MRPL19: variants seen among roughly 807,000 people sequenced by gnomAD.
MRPL19 encodes the protein large ribosomal subunit protein bL19m.
In MRPL19, 31 loss-of-function variants were observed where a neutral mutation model predicts 34.0. The ratio of observed to expected loss-of-function variants is 0.91; its 90% CI spans 0.68 to 1.23. The LOEUF is 1.23. Among genes scored for constraint, MRPL19 ranks in the 50% most tolerant of loss-of-function variants. The probability of loss-of-function intolerance (pLI) is 0.00; values close to 1 mark genes in which losing one functional copy is unlikely to be tolerated. For missense variants in MRPL19, 384 were observed against 367.6 expected, an observed-to-expected ratio of 1.04 and a Z score of -0.37; for synonymous variants, 152 against 127.7, an observed-to-expected ratio of 1.19 and a Z score of -1.28.
chr2:75,651,339 G>A (rs1193644279), intron 2 of MRPL19: 5 of 529,304 alleles, frequency 9.4e-6, no homozygotes, highest in Non-Finnish European at 1.5e-5. Context: ...GCTCCTACAC[G>A]ATTCCTTGGG....
intron 2 of MRPL19, among the ~76,000 whole-genome samples, chr2:75,650,868 C>T (rs1382828048): frequency 6.6e-6 from 1 of 152,066 alleles, no homozygotes; most frequent in Non-Finnish European, 1.5e-5. Flanking sequence ...CCACGAGACC[C>T]CAGGACTACC....
chr2:75,653,819 C>T, intron 4 of MRPL19, among the ~76,000 whole-genome samples: 1 of 152,302 alleles, frequency 6.6e-6, no homozygotes, highest in East Asian at 1.9e-4. Flanking sequence ...GTTCCATTCA[C>T]AGTCTTTTCT....
chr2:75,647,910 CAG>C (rs1678256777), intron 2 of MRPL19, among the ~76,000 whole-genome samples: 2 of 151,994 alleles, frequency 1.3e-5, no homozygotes, highest in Non-Finnish European at 2.9e-5. Flanking sequence ...TTTTTTTAGA[CAG>C]AGTCTCTCTC....
rs1192738957 is a variant in MRPL19, at chr2:75,661,864, T to G, written c.*6579T>G. On this transcript the variant is annotated 3_prime_UTR_variant, in exon 6 of 6. Coordinates refer to ENST00000393909, the MANE Select transcript of MRPL19 (RefSeq NM_014763.4). ...TTATGCCTTCTTTTATCTTGACTGA[T>G]TGTATGACTATGTCTTCTAGAACAA... 6.6e-6 allele frequency: 1 copy of G among 152,226 alleles called. No homozygotes were observed. The highest frequency in any genetic ancestry group is 1.5e-5 in the Non-Finnish European group (1 of 68,052). The allele number at this position is 152,226 out of a possible 1,614,324, so 9.4% of individuals were successfully genotyped here. A position where few individuals can be genotyped will look rare whatever the true frequency, so the allele number is the denominator to read the frequency against.
intron 2 of MRPL19, chr2:75,651,292 G>T (rs576462627): frequency 5.2e-5 from 27 of 515,260 alleles, no homozygotes; most frequent in Admixed American, 3.7e-4. Flanking sequence ...TGCTGCAGCT[G>T]TGTCTCTGGA....
rs759738815 is a variant in MRPL19 at position 75,658,621 on chromosome 2, ACT to A, written c.*3337_*3338del. On this transcript the variant is annotated 3_prime_UTR_variant, in exon 6 of 6. Coordinates refer to ENST00000393909, the MANE Select transcript of MRPL19 (RefSeq NM_014763.4). ...ATTTCTACATGTTTATGAATTTCCC[ACT>A]GTTTTTTTGTTATTGATTTCCAAGT... Among the ~76,000 whole-genome samples, 3 of 151,922 alleles carry A rather than the reference ACT, an allele frequency of 2.0e-5. No homozygotes were observed.
Position 75,646,885 on chromosome 2 carries a change from C to A in MRPL19, c.78C>A (p.Leu26=). Residue 26 remains leucine, a synonymous_variant, in exon 1 of 6, where the codon CTC becomes CTA. Coordinates refer to ENST00000393909, the MANE Select transcript of MRPL19 (RefSeq NM_014763.4). ...GRSFQAARTL[L]PPPASIACRV... is the part of the protein sequence containing the mutation. ...GTTTCCAAGCCGCCAGGACTCTGCT[C>A]CCCCCGCCGGCCTCTATCGCCTGCA... The A allele has an allele frequency of 1.9e-6, 3 of 1,593,518 alleles. No individual in the cohort carries two copies. Among genetic ancestry groups the A allele is most frequent in the South Asian group, 1.1e-5 (1 of 87,914 alleles).
rs956544785 is a variant in MRPL19, at chr2:75,646,798, G to C, written c.-10G>C. On this transcript the variant is annotated 5_prime_UTR_variant, in exon 1 of 6. Coordinates refer to ENST00000393909, the MANE Select transcript of MRPL19 (RefSeq NM_014763.4). Reference sequence around the variant, plus strand: ...ACTGGGAGCTGTAGTCTTGACGTGAGCTAGCTGGCATGGCGGCCTGCATTG... The same window carrying C: ...ACTGGGAGCTGTAGTCTTGACGTGACCTAGCTGGCATGGCGGCCTGCATTG... 2 of 1,501,962 alleles carry C rather than the reference G, an allele frequency of 1.3e-6. No individual in the cohort carries two copies. Among genetic ancestry groups the C allele is most frequent in the Admixed American group, 2.4e-5 (1 of 42,458 alleles). 93.0% of individuals were successfully genotyped at this position (1,501,962 alleles called of 1,614,324 possible).
rs1678347217 is a variant in MRPL19 at position 75,652,251 on chromosome 2, T to TTCTC, written c.334_335insCTCT (p.Tyr112SerfsTer13). 4 of 1,559,646 alleles carry TTCTC rather than the reference T, an allele frequency of 2.6e-6. No individual in the cohort carries two copies. The highest frequency in any genetic ancestry group is 3.5e-6 in the Non-Finnish European group (4 of 1,142,314). On this transcript the variant is annotated frameshift_variant, in exon 3 of 6. Transcript: ENST00000393909. LOFTEE classifies it high-confidence loss of function. ...GAGAAAAGTACTCCACATTCCAGAG[T>TTCTC]TCTATGTTGGTCAGTAAGAGCTGTA...
Position 75,647,060 on chromosome 2 carries a change from G to A in MRPL19, c.104-42G>A, listed in dbSNP as rs768301837. 26 of 1,539,074 alleles carry A rather than the reference G, an allele frequency of 1.7e-5. No homozygotes were observed. In the South Asian group the frequency reaches 2.8e-4, roughly 17 times the overall value. On this transcript the variant is annotated intron_variant, in intron 1 of 5. Transcript: ENST00000393909. ...ATTGCGGGGCTCTGCGGGATCTCAG[G>A]GTTGGCACGAGAGTTCTGACCTCCG...
In MRPL19 at chr2:75,647,100, A is replaced by G. The variant is rs1678239603; in HGVS notation, c.104-2A>G. The G allele has an allele frequency of 1.3e-6, 2 of 1,581,298 alleles. No homozygotes were observed. Among genetic ancestry groups the G allele is most frequent in the Non-Finnish European group, 1.7e-6 (2 of 1,162,590 alleles). ...TCTGACCTCCGTCGTCCGCTCCCGC[A>G]GGGGTCCACGCGGGGCCTGTCCGGC... is the stretch of plus-strand genomic sequence containing the variant. On this transcript the variant is annotated splice_acceptor_variant, in intron 1 of 5. Coordinates refer to ENST00000393909, the MANE Select transcript of MRPL19 (RefSeq NM_014763.4). LOFTEE classifies it high-confidence loss of function.
At position 75,654,817 on chromosome 2, in the gene MRPL19, G is replaced by A; in HGVS notation, c.557G>A (p.Ser186Asn). The A allele has an allele frequency of 6.2e-7, 1 of 1,613,864 alleles. No homozygotes were observed. Residue 186 changes from serine to asparagine, a missense_variant, in exon 5 of 6, where the codon AGC becomes AAC. Physicochemically the swap from Ser to Asn is conservative, Grantham distance 46. Coordinates refer to ENST00000393909, the MANE Select transcript of MRPL19 (RefSeq NM_014763.4). ...AAATTAGAGAAACGGCTGGATGATAGCTTGCTATACTTACGAGATGCCCTT... is the reference window on the plus strand; with the variant it reads ...AAATTAGAGAAACGGCTGGATGATAACTTGCTATACTTACGAGATGCCCTT... The part of the protein sequence containing the change: ...VVKLEKRLDD[S>N]LLYLRDALPE...
In MRPL19 at chr2:75,652,603, T is replaced by C. The variant is rs199703206; in HGVS notation, c.421T>C (p.Ser141Pro). 1 of 1,613,876 alleles carries C rather than the reference T, an allele frequency of 6.2e-7. No homozygotes were observed. The highest frequency in any genetic ancestry group is 1.7e-5 in the Admixed American group (1 of 60,018). Residue 141 changes from serine to proline, a missense_variant, in exon 4 of 6, where the codon TCA becomes CCA. Transcript: ENST00000393909. ...GTTTCTGGGGATTTGCATTCAGAGA[T>C]CAGGAAGAGGACTTGGAGCTACTTT... ...SQFLGICIQRSGRGLGATFIL... is the reference protein window; with the variant it reads ...SQFLGICIQRPGRGLGATFIL...
intron 3 of MRPL19, 91 bp downstream of exon 3, chr2:75,652,351 TG>T (rs1285622681): frequency 5.3e-6 from 7 of 1,313,458 alleles, no homozygotes; most frequent in African/African-American, 1.5e-5. Flanking sequence ...AAAAGAAGAT[TG>T]TTTTTTACAT....
chr2:75,652,107 GTTTACT>G (rs764542886), intron 2 of MRPL19, 29 bp from the exon 3 acceptor site: 88 of 1,303,356 alleles, frequency 6.8e-5, no homozygotes, highest in Non-Finnish European at 8.3e-5. Flanking sequence ...AGCCTTTTGA[GTTTACT>G]TTTAATTATT....
Position 75,654,745 on chromosome 2 carries a change from T to G in MRPL19, c.485T>G (p.Ile162Ser). ...RNVIEGQGVE[I>S]CFELYNPRVQ... ...TTTCTGTTCTATTTAGGTGTCGAGA[T>G]TTGCTTTGAACTTTATAATCCTCGG... The change falls in exon 5 of 6, where the codon ATT becomes AGT. Residue 162 changes from isoleucine (I) to serine (S), a missense_variant. Transcript: ENST00000393909. 6.2e-7 allele frequency: 1 copy of G among 1,613,568 alleles called. No homozygotes were observed. Among genetic ancestry groups the G allele is most frequent in the Non-Finnish European group, 8.5e-7 (1 of 1,179,716 alleles).
chr2:75,652,721 T>C (rs1678359422), intron 4 of MRPL19, 64 bp downstream of exon 4: 4 of 1,528,376 alleles, frequency 2.6e-6, no homozygotes, highest in East Asian at 2.3e-5. Context: ...TTTTTGTTTC[T>C]GCATCCTGGG....
intron 3 of MRPL19, 76 bp from the exon 4 acceptor site, chr2:75,652,447 T>G: frequency 1.3e-6 from 2 of 1,525,138 alleles, no homozygotes; most frequent in African/African-American, 2.8e-5. Flanking sequence ...ATTTGTTTGT[T>G]TCTGCATCTT....
chr2:75,650,107 G>A (rs1356166123), intron 2 of MRPL19, among the ~76,000 whole-genome samples: 1 of 151,988 alleles, frequency 6.6e-6, no homozygotes, highest in African/African-American at 2.4e-5. Context: ...AAATTCATGG[G>A]AATAATCACC....
Sources: allele counts gnomAD v4.1 joint callset (sites outside exome capture counted in the v4.1 genomes callset), GRCh38; gene constraint gnomAD v4.1.1; transcripts MANE v1.5; gene names NCBI Gene and HGNC (gene_info 2026-07-23, HGNC 2026-07-21).